FRAS1: variants seen among roughly 807,000 people sequenced by gnomAD.
The protein encoded by FRAS1 is extracellular matrix organizing protein FRAS1.
A neutral mutation model predicts 435.2 loss-of-function variants in FRAS1; 290 were observed. The observed-to-expected ratio is 0.67, with a 90% CI of 0.61 to 0.73. The LOEUF is 0.73. FRAS1 is among the 30% of genes least tolerant of loss of function. FRAS1 has a pLI of 0.00. For synonymous variants in FRAS1, 1,800 were observed against 1,851.0 expected (o/e 0.97, Z 0.71); for missense variants, 4,860 against 5,001.5 (o/e 0.97, Z 0.85).
At chr4:78,226,311 G>A (rs1560590425) in intron 2 of FRAS1, among the ~76,000 whole-genome samples, 2 of 151,948 alleles carry the variant, frequency 1.3e-5, no homozygotes, top group African/African-American at 2.4e-5. Context: ...CTACATTACT[G>A]TGTTTCTATT....
At chr4:78,181,828 C>T (rs966853657) in intron 2 of FRAS1, 1 of 1,612,088 alleles carries the variant, frequency 6.2e-7, no homozygotes, top group African/African-American at 1.3e-5. Flanking sequence ...CTTTCTGGGA[C>T]TCCTTGCGCA....
chr4:78,438,470 C>A, intron 38 of FRAS1, 100 bp from the exon 39 acceptor site: 2 of 1,141,148 alleles, frequency 1.8e-6, no homozygotes, highest in African/African-American at 1.6e-5. Context: ...AGAGACTTTT[C>A]CAATTAGCAG....
intron 2 of FRAS1, among the ~76,000 whole-genome samples, chr4:78,152,882 G>A (rs1359432916): frequency 6.6e-6 from 1 of 152,026 alleles, no homozygotes; most frequent in African/African-American, 2.4e-5. Flanking sequence ...TGGAAAATCG[G>A]TCTCATTACC....
intron 70 of FRAS1, among the ~76,000 whole-genome samples, chr4:78,529,099 G>A (rs1416317079): frequency 6.6e-6 from 1 of 152,138 alleles, no homozygotes; most frequent in African/African-American, 2.4e-5. Context: ...TGAACAAGCT[G>A]TTTGGAGGTG....
intron 30 of FRAS1, among the ~76,000 whole-genome samples, chr4:78,402,358 A>T (rs960131614): frequency 6.6e-6 from 1 of 152,124 alleles, no homozygotes; most frequent in African/African-American, 2.4e-5. Context: ...AAATAGTTCC[A>T]ATGTCCACAA....
chr4:78,229,720 A>T (rs1030249759), intron 2 of FRAS1, among the ~76,000 whole-genome samples: 4 of 152,176 alleles, frequency 2.6e-5, no homozygotes, highest in Non-Finnish European at 5.9e-5. Flanking sequence ...ATAAAAAAAA[A>T]AAAAGTCAGG....
intron 23 of FRAS1, among the ~76,000 whole-genome samples, chr4:78,371,969 A>G (rs1045779408): frequency 3.3e-5 from 5 of 152,194 alleles, no homozygotes; most frequent in African/African-American, 9.7e-5. Context: ...GATTATTTGC[A>G]TGCACATTCA....
Position 78,344,481 on chromosome 4 carries a change from CTGGAATGTGATTCCAGAG to C in FRAS1, c.2422+6666_2422+6683del, listed in dbSNP as rs1390135885. Among the ~76,000 whole-genome samples, 443 of 78,478 alleles carry C rather than the reference CTGGAATGTGATTCCAGAG, an allele frequency of 5.6e-3. 2 individuals are homozygous for C. The highest frequency in any genetic ancestry group is 0.031 in the African/African-American group (434 of 13,860). The allele number at this position is 78,478 out of a possible 152,430, so 51.5% of individuals were successfully genotyped here. ...AACCCAGAGAATGTGATTCCAGAGTCTGGAATGTGATTCCAGAGTCTGGAATGTGATTCCAGAGTACTC... is the reference window on the plus strand; with the variant it reads ...AACCCAGAGAATGTGATTCCAGAGTCTCTGGAATGTGATTCCAGAGTACTC... On this transcript the variant is annotated intron_variant, in intron 20 of 73. Coordinates refer to ENST00000512123, the MANE Select transcript of FRAS1 (RefSeq NM_025074.7).
chr4:78,438,156 C>T (rs1001304950), intron 38 of FRAS1, among the ~76,000 whole-genome samples: 1 of 152,156 alleles, frequency 6.6e-6, no homozygotes, highest in African/African-American at 2.4e-5. Context: ...TTCTTAAAAG[C>T]AAAACATTCT....
chr4:78,242,974 TGAGA>T (rs993395564), intron 3 of FRAS1, among the ~76,000 whole-genome samples: 49 of 152,132 alleles, frequency 3.2e-4, no homozygotes, highest in African/African-American at 1.1e-3. Flanking sequence ...AGAAAAAGAT[TGAGA>T]GAAAGAACAC....
intron 9 of FRAS1, 52 bp downstream of exon 9, chr4:78,267,484 A>T: frequency 6.5e-7 from 1 of 1,540,074 alleles, no homozygotes; most frequent in Non-Finnish European, 8.9e-7. Flanking sequence ...TTCCAACGGG[A>T]TAGTGAGGGG....
intron 6 of FRAS1, among the ~76,000 whole-genome samples, chr4:78,260,655 A>G (rs952568666): frequency 6.6e-6 from 1 of 152,056 alleles, no homozygotes; most frequent in Admixed American, 6.6e-5. Flanking sequence ...GCAAACAGGG[A>G]CAATTTGACT....
At chr4:78,379,635 G>C in intron 26 of FRAS1, 91 bp from the exon 27 acceptor site, 1 of 1,192,624 alleles carries the variant, frequency 8.4e-7, no homozygotes, top group Non-Finnish European at 1.2e-6. Flanking sequence ...ATTGTAAGGA[G>C]GTGGTCTGAA....
chr4:78,441,593 A>C (rs76208194), intron 41 of FRAS1, among the ~76,000 whole-genome samples: 2 of 152,004 alleles, frequency 1.3e-5, no homozygotes, highest in Non-Finnish European at 2.9e-5. Flanking sequence ...AACCTAATAA[A>C]TGAGAAGATT....
chr4:78,131,261 G>A (rs954096300), intron 2 of FRAS1, among the ~76,000 whole-genome samples: 3 of 152,072 alleles, frequency 2.0e-5, no homozygotes, highest in Admixed American at 2.0e-4. Context: ...TGATATAGAA[G>A]TTTAAATTTA....
intron 2 of FRAS1, among the ~76,000 whole-genome samples, chr4:78,088,406 A>G (rs576994761): frequency 3.3e-5 from 5 of 152,144 alleles, no homozygotes; most frequent in African/African-American, 7.2e-5. Flanking sequence ...AGCAATGGCC[A>G]CAAAAGCCAA....
chr4:78,444,495 A>C (rs768696038), intron 41 of FRAS1, among the ~76,000 whole-genome samples: 62 of 152,170 alleles, frequency 4.1e-4, no homozygotes, highest in Non-Finnish European at 6.2e-4. Context: ...GATTTTTGCA[A>C]AGGGTCATGG....
intron 2 of FRAS1, among the ~76,000 whole-genome samples, chr4:78,088,329 AG>A: frequency 6.6e-6 from 1 of 152,244 alleles, no homozygotes; most frequent in Non-Finnish European, 1.5e-5. Flanking sequence ...AAAACCTTAG[AG>A]GAAAACCTAG....
chr4:78,470,788 T>C (rs1370732116), intron 51 of FRAS1, among the ~76,000 whole-genome samples: 2 of 151,970 alleles, frequency 1.3e-5, no homozygotes, highest in Non-Finnish European at 2.9e-5. Flanking sequence ...CCAATCCCCG[T>C]AGATACTGAG....
Sources: allele counts gnomAD v4.1 joint callset (sites outside exome capture counted in the v4.1 genomes callset), GRCh38; gene constraint gnomAD v4.1.1; transcripts MANE v1.5; gene names NCBI Gene and HGNC (gene_info 2026-07-23, HGNC 2026-07-21).